The following SLC50A1 variants were observed in gnomAD, a reference collection of about 807,000 sequenced individuals.
SLC50A1 encodes sugar transporter SWEET1.
In SLC50A1, 22 loss-of-function variants were observed where a neutral mutation model predicts 28.9. The ratio of observed to expected loss-of-function variants is 0.76; its 90% confidence interval spans 0.54 to 1.09. SLC50A1 has a LOEUF of 1.09. Among genes scored for constraint, SLC50A1 ranks in the 50% least tolerant of loss-of-function variants. The pLI, the probability that SLC50A1 is intolerant of heterozygous loss-of-function variation, is 0.00. For synonymous variants in SLC50A1, 96 were observed against 110.6 expected (o/e 0.87, Z 0.83); for missense variants, 233 against 273.4 (o/e 0.85, Z 1.04).
At chr1:155,135,751 G>T, upstream of SLC50A1, 1 of 1,549,552 alleles carries the variant, frequency 6.5e-7, no homozygotes, top group Non-Finnish European at 8.7e-7. Flanking sequence ...TCGGAGGGAG[G>T]GTGGGGCTTC....
At chr1:155,136,742 C>CA (rs879631277) in intron 2 of SLC50A1, 86 bp from the exon 3 acceptor site, 102,057 of 1,100,310 alleles carry the variant, frequency 0.093, 13 homozygotes, top group Non-Finnish European at 0.099. Context: ...GACTACGTCT[C>CA]AAAAAAAAAA....
chr1:155,136,194 GGGGTCTGCGGTGGTC>G, intron 1 of SLC50A1, 90 bp from the exon 2 acceptor site: 1 of 862,432 alleles, frequency 1.2e-6, no homozygotes, highest in Non-Finnish European at 1.9e-6. Context: ...GAGAGGGGGC[GGGGTCTGCGGTGGTC>G]CGGAAAGGAT....
At chr1:155,135,672 AT>A, upstream of SLC50A1, 1 of 1,550,416 alleles carries the variant, frequency 6.4e-7, no homozygotes, top group Non-Finnish European at 8.7e-7. Flanking sequence ...TGACCGGGAC[AT>A]GGAAGAGGTC....
At chr1:155,136,177 C>CGG (rs1168370394) in intron 1 of SLC50A1, 122 bp from the exon 2 acceptor site, 5 of 140,594 alleles carry the variant, frequency 3.6e-5, no homozygotes, top group African/African-American at 1.6e-4. Flanking sequence ...GGATAGCTGG[C>CGG]GGGGGGGAGA....
chr1:155,137,004 C>T (rs1022406532), intron 3 of SLC50A1, 53 bp downstream of exon 3: 21 of 1,596,958 alleles, frequency 1.3e-5, no homozygotes, highest in Non-Finnish European at 1.7e-5. Context: ...GCCTTGCTGG[C>T]AGGGCAAACA....
In SLC50A1 at chr1:155,135,915, G is replaced by A; in HGVS notation, c.4G>A (p.Glu2Lys). Residue 2 changes from glutamate (E) to lysine (K), a missense_variant, in exon 1 of 6, where the codon GAG (glutamate) becomes AAG (lysine). Glu to Lys is a moderately conservative substitution (Grantham distance 56). Transcript: ENST00000368404. ...GCGGGATCCGACTCTAGTCGTAATG[G>A]AGGCGGGCGGCTTTCTGGACTCGCT... MEAGGFLDSLIY... is the reference protein window; with the variant it reads MKAGGFLDSLIY... 1 of 1,613,828 alleles carries A rather than the reference G, an allele frequency of 6.2e-7. No homozygotes were observed. The highest frequency in any genetic ancestry group is 8.5e-7 in the Non-Finnish European group (1 of 1,179,954).
rs145992462 is a variant in SLC50A1, at chr1:155,138,067, A to G, written c.533A>G (p.Tyr178Cys). The G allele has an allele frequency of 7.4e-6, 12 of 1,614,038 alleles. No individual in the cohort carries two copies. The highest frequency in any genetic ancestry group is 2.2e-5 in the East Asian group (1 of 44,882). The part of the protein sequence containing the change: ...TLLTSASWCL[Y>C]GFRLRDPYIM... ...CTCACCTCTGCCTCCTGGTGCCTCT[A>G]TGGGTTTCGACTCAGAGATCCCTAT... Residue 178 changes from tyrosine to cysteine, a missense_variant, in exon 5 of 6, where the codon TAT (tyrosine) becomes TGT (cysteine). By Grantham distance (194) the Tyr-to-Cys change is radical. Coordinates refer to ENST00000368404, the MANE Select transcript of SLC50A1 (RefSeq NM_018845.4).
upstream of SLC50A1, chr1:155,135,673 T>C (rs973350921): frequency 8.4e-6 from 13 of 1,550,090 alleles, no homozygotes; most frequent in East Asian, 9.8e-5. Flanking sequence ...GACCGGGACA[T>C]GGAAGAGGTC....
chr1:155,136,611 C>G, intron 2 of SLC50A1: 1 of 724,530 alleles, frequency 1.4e-6, no homozygotes, highest in Non-Finnish European at 2.2e-6. Context: ...GGCGTGGTGC[C>G]GGGCGCCTGT....
chr1:155,137,745 G>A, intron 4 of SLC50A1, 23 bp downstream of exon 4: 1 of 1,613,258 alleles, frequency 6.2e-7, no homozygotes, highest in East Asian at 2.2e-5. Context: ...GTCCAAGGAG[G>A]TAGGAGAGAT....
chr1:155,138,103 G>A lies in SLC50A1; in HGVS notation c.564+5G>A. 1 of 1,614,174 alleles carries A rather than the reference G, an allele frequency of 6.2e-7. No individual in the cohort carries two copies. Among genetic ancestry groups the A allele is most frequent in the Non-Finnish European group, 8.5e-7 (1 of 1,180,024 alleles). The stretch of plus-strand genomic sequence containing the variant: ...CTCAGAGATCCCTATATCATGGTAA[G>A]CACAACTGGGATGGGGTGACAGGGG... On this transcript the variant is annotated splice_donor_5th_base_variant and intron_variant, in intron 5 of 5. Coordinates refer to ENST00000368404, the MANE Select transcript of SLC50A1 (RefSeq NM_018845.4).
chr1:155,135,881 G>C lies in SLC50A1; in HGVS notation c.-31G>C. The C allele has an allele frequency of 6.2e-7, 1 of 1,605,102 alleles. No individual in the cohort carries two copies. Among genetic ancestry groups the C allele is most frequent in the Non-Finnish European group, 8.5e-7 (1 of 1,176,632 alleles). On this transcript the variant is annotated 5_prime_UTR_variant, in exon 1 of 6. Coordinates refer to ENST00000368404, the MANE Select transcript of SLC50A1 (RefSeq NM_018845.4). ...CCCGGCAACCGCAGGCTCGCGGCGG[G>C]CGCTGGGCGCGGGATCCGACTCTAG...
Position 155,136,006 on chromosome 1 carries a change from G to T in SLC50A1, c.80+15G>T. The T allele has an allele frequency of 6.2e-7, 1 of 1,613,718 alleles. No individual in the cohort carries two copies. Among genetic ancestry groups the T allele is most frequent in the Non-Finnish European group, 8.5e-7 (1 of 1,179,836 alleles). On this transcript the variant is annotated intron_variant, in intron 1 of 5. Coordinates refer to ENST00000368404, the MANE Select transcript of SLC50A1 (RefSeq NM_018845.4). The stretch of plus-strand genomic sequence containing the variant: ...TCCGCCGGCCTGTGAGAGTGCGGCC[G>T]GGCTGGGTTGGGGAGGACTAGGCAG...
chr1:155,137,024 A>C, intron 3 of SLC50A1, 73 bp downstream of exon 3: 1 of 1,577,260 alleles, frequency 6.3e-7, no homozygotes, highest in Non-Finnish European at 8.7e-7. Flanking sequence ...ACTATTTCCT[A>C]GAAGACTGTA....
chr1:155,135,971 T>C lies in SLC50A1; in HGVS notation c.60T>C (p.Leu20=). The C allele has an allele frequency of 1.2e-6, 2 of 1,614,032 alleles. No individual in the cohort carries two copies. Among genetic ancestry groups the C allele is most frequent in the East Asian group, 2.2e-5 (1 of 44,860 alleles). ...ACGGAGCATGCGTGGTCTTCACCCT[T>C]GGCATGTTCTCCGCCGGCCTGTGAG... ...LIYGACVVFT[L]GMFSAGLSDL... is the part of the protein sequence containing the mutation. The change falls in exon 1 of 6, where the codon CTT becomes CTC. Residue 20 remains leucine, a synonymous_variant. Coordinates refer to ENST00000368404, the MANE Select transcript of SLC50A1 (RefSeq NM_018845.4).
Position 155,138,164 on chromosome 1 carries a change from G to C in SLC50A1, c.565-16G>C. The C allele has an allele frequency of 1.2e-6, 2 of 1,614,198 alleles. No individual in the cohort carries two copies. Among genetic ancestry groups the C allele is most frequent in the Non-Finnish European group, 1.7e-6 (2 of 1,180,038 alleles). ...AAAACTGGCTCCTCTCCTCATAGCA[G>C]TTCTTGTGATTTCAGGTGTCCAACT... is the stretch of plus-strand genomic sequence containing the variant. On this transcript the variant is annotated splice_polypyrimidine_tract_variant and intron_variant, in intron 5 of 5. Transcript: ENST00000368404.
Position 155,137,552 on chromosome 1 carries a change from C to G in SLC50A1, c.283-9C>G, listed in dbSNP as rs762378583. 5.6e-6 allele frequency: 9 copies of G among 1,613,716 alleles called. No individual in the cohort carries two copies. Among genetic ancestry groups the G allele is most frequent in the Non-Finnish European group, 7.6e-6 (9 of 1,179,874 alleles). On this transcript the variant is annotated splice_polypyrimidine_tract_variant and intron_variant, in intron 3 of 5. Coordinates refer to ENST00000368404, the MANE Select transcript of SLC50A1 (RefSeq NM_018845.4). The stretch of plus-strand genomic sequence containing the variant: ...ACATCTGGAAGTAAGGGTACTCTCT[C>G]CCCTGCAGCGTGTTGTGCTCCTACA...
rs914410131 is a variant in SLC50A1 at position 155,138,471 on chromosome 1, CTTT to C, written c.*193_*195del. On this transcript the variant is annotated 3_prime_UTR_variant, in exon 6 of 6. Transcript: ENST00000368404. ...GATTGGGGCCTAGGAGATGAAATCA[CTTT>C]TTATTTTTTAGAGATTTTTTTTTTT... 1.4e-5 allele frequency: 8 copies of C among 576,960 alleles called. No homozygotes were observed. The African/African-American group carries it at 1.5e-4, about 11-fold the overall frequency. 35.7% of individuals were successfully genotyped at this position (576,960 alleles called of 1,614,324 possible). A position where few individuals can be genotyped will look rare whatever the true frequency, so the allele number is the denominator to read the frequency against.
chr1:155,135,687 A>T (rs1664389264), upstream of SLC50A1: 1 of 1,550,276 alleles, frequency 6.5e-7, no homozygotes, highest in Non-Finnish European at 8.7e-7. Context: ...AGAGGTCTGG[A>T]CCAGGGTACT....
Sources: allele counts gnomAD v4.1 joint callset, GRCh38; gene constraint gnomAD v4.1.1; transcripts MANE v1.5; gene names NCBI Gene and HGNC (gene_info 2026-07-23, HGNC 2026-07-21).